ABTB3: variants seen among roughly 807,000 people sequenced by gnomAD.
The protein encoded by ABTB3 is ankyrin repeat and BTB domain containing 3.
chr12:107,623,788 C>T, the ABTB3 span, among the ~76,000 whole-genome samples: 1 of 152,136 alleles, frequency 6.6e-6, no homozygotes, highest in Non-Finnish European at 1.5e-5. Context: ...CCTTCTGGAG[C>T]TTACTGACCA....
At chr12:107,323,835 C>A in the ABTB3 span, among the ~76,000 whole-genome samples, 1 of 152,158 alleles carries the variant, frequency 6.6e-6, no homozygotes, top group Admixed American at 6.5e-5. Context: ...GTGCCTGGCA[C>A]TTTGTATAAC....
At chr12:107,320,918 C>T in the ABTB3 span, among the ~76,000 whole-genome samples, 1 of 152,124 alleles carries the variant, frequency 6.6e-6, no homozygotes, top group Non-Finnish European at 1.5e-5. Context: ...CAGGTTCTAT[C>T]ATCGTCTCTT....
the ABTB3 span, among the ~76,000 whole-genome samples, chr12:107,466,032 T>C: frequency 1.3e-5 from 2 of 152,166 alleles, no homozygotes; most frequent in Non-Finnish European, 2.9e-5. Context: ...GCGAGCAAGA[T>C]AGGCAGGTAA....
At chr12:107,477,634 G>T in the ABTB3 span, among the ~76,000 whole-genome samples, 1 of 152,106 alleles carries the variant, frequency 6.6e-6, no homozygotes, top group African/African-American at 2.4e-5. Flanking sequence ...TTATTCTATT[G>T]TATTGATTTG....
chr12:107,487,279 A>G, the ABTB3 span, among the ~76,000 whole-genome samples: 1 of 152,148 alleles, frequency 6.6e-6, no homozygotes, highest in East Asian at 1.9e-4. Flanking sequence ...GGGCTCAGCA[A>G]GTGGGTCAAG....
At chr12:107,439,890 T>A in the ABTB3 span, among the ~76,000 whole-genome samples, 1 of 152,162 alleles carries the variant, frequency 6.6e-6, no homozygotes, top group South Asian at 2.1e-4. Context: ...GCTAAAAGAG[T>A]GAGCTTTTTA....
At chr12:107,612,590 C>T in the ABTB3 span, among the ~76,000 whole-genome samples, 2 of 152,198 alleles carry the variant, frequency 1.3e-5, no homozygotes, top group Non-Finnish European at 2.9e-5. Flanking sequence ...GCTCCTTCGT[C>T]GCCTCTATTT....
At chr12:107,493,095 AG>A in the ABTB3 span, among the ~76,000 whole-genome samples, 7 of 149,226 alleles carry the variant, frequency 4.7e-5, no homozygotes, top group Non-Finnish European at 7.4e-5. Flanking sequence ...AAAAAAAAAA[AG>A]TCTCTTCCTT....
At chr12:107,598,616 A>G in the ABTB3 span, among the ~76,000 whole-genome samples, 1 of 152,244 alleles carries the variant, frequency 6.6e-6, no homozygotes, top group Non-Finnish European at 1.5e-5. Flanking sequence ...TTCGCATGAA[A>G]TAAGAGCAAA....
the ABTB3 span, among the ~76,000 whole-genome samples, chr12:107,631,857 G>C: frequency 6.6e-6 from 1 of 152,202 alleles, no homozygotes; most frequent in East Asian, 1.9e-4. Flanking sequence ...GAGCCACCTG[G>C]CTGAGGCAGT....
the ABTB3 span, among the ~76,000 whole-genome samples, chr12:107,472,548 A>G: frequency 2.0e-5 from 3 of 152,178 alleles, no homozygotes; most frequent in Non-Finnish European, 2.9e-5. Flanking sequence ...TACATCTGTA[A>G]AATGGAGCCA....
the ABTB3 span, among the ~76,000 whole-genome samples, chr12:107,454,915 T>C: frequency 6.6e-6 from 1 of 152,210 alleles, no homozygotes; most frequent in Non-Finnish European, 1.5e-5. Context: ...CACCTTATTG[T>C]TACAGTCATA....
the ABTB3 span, among the ~76,000 whole-genome samples, chr12:107,487,280 G>C: frequency 6.6e-6 from 1 of 152,198 alleles, no homozygotes; most frequent in Non-Finnish European, 1.5e-5. Context: ...GGCTCAGCAA[G>C]TGGGTCAAGA....
the ABTB3 span, among the ~76,000 whole-genome samples, chr12:107,587,799 A>G: frequency 6.6e-6 from 1 of 152,174 alleles, no homozygotes; most frequent in Non-Finnish European, 1.5e-5. Context: ...CTCTGGAAGG[A>G]TAGATAAGAA....
At chr12:107,373,804 C>T in the ABTB3 span, among the ~76,000 whole-genome samples, 2 of 152,198 alleles carry the variant, frequency 1.3e-5, no homozygotes, top group African/African-American at 4.8e-5. Flanking sequence ...AGGGATGGCC[C>T]CGTAACTCAG....
chr12:107,471,233 A>G, the ABTB3 span, among the ~76,000 whole-genome samples: 1 of 152,198 alleles, frequency 6.6e-6, no homozygotes, highest in Non-Finnish European at 1.5e-5. Flanking sequence ...TTATTTCCCC[A>G]TTTTACAGAT....
At chr12:107,546,521 T>C in the ABTB3 span, among the ~76,000 whole-genome samples, 1 of 152,228 alleles carries the variant, frequency 6.6e-6, no homozygotes, top group Non-Finnish European at 1.5e-5. Context: ...GCTAGACCAC[T>C]GCCACTGCAT....
the ABTB3 span, among the ~76,000 whole-genome samples, chr12:107,360,888 G>A: frequency 2.8e-4 from 42 of 150,680 alleles, no homozygotes; most frequent in African/African-American, 9.3e-4. Context: ...TGAGTAGCTG[G>A]GACTATAGAC....
chr12:107,354,106 C>G, the ABTB3 span, among the ~76,000 whole-genome samples: 4 of 152,164 alleles, frequency 2.6e-5, no homozygotes, highest in Non-Finnish European at 5.9e-5. Context: ...AAATACGATA[C>G]AGAATAGTTC....
Sources: allele counts gnomAD v4.1 joint callset (sites outside exome capture counted in the v4.1 genomes callset), GRCh38; gene constraint gnomAD v4.1.1; transcripts MANE v1.5; gene names NCBI Gene and HGNC (gene_info 2026-07-23, HGNC 2026-07-21).